The following CLNK variants were observed in gnomAD, a reference collection of about 807,000 sequenced individuals.
CLNK encodes cytokine-dependent hematopoietic cell linker.
CLNK carries 74 observed loss-of-function variants against 68.6 expected under a neutral mutation model. That is an observed-to-expected ratio of 1.08 (90% CI 0.89 to 1.31). CLNK has a LOEUF of 1.31. CLNK is among the 50% of genes most tolerant of loss of function. The probability of loss-of-function intolerance (pLI) is 0.00; values close to 1 mark genes in which losing one functional copy is unlikely to be tolerated. For synonymous variants in CLNK, 198 were observed against 172.2 expected, an observed-to-expected ratio of 1.15 and a Z score of -1.17; for missense variants, 553 against 515.3, an observed-to-expected ratio of 1.07 and a Z score of -0.71.
At chr4:10,511,716 CTG>C (rs1717591333) in intron 16 of CLNK, among the ~76,000 whole-genome samples, 1 of 152,104 alleles carries the variant, frequency 6.6e-6, no homozygotes, top group Admixed American at 6.6e-5. Context: ...GAGCTGTAAA[CTG>C]TTTCATTGTG....
upstream of CLNK, chr4:10,684,839 A>G (rs1172440450): frequency 6.6e-6 from 1 of 152,180 alleles, no homozygotes; most frequent in Non-Finnish European, 1.5e-5. Flanking sequence ...GGTCCGTTTT[A>G]GACTTGGTTT....
chr4:10,513,391 G>T, intron 16 of CLNK, 73 bp downstream of exon 16: 1 of 1,382,976 alleles, frequency 7.2e-7, no homozygotes, highest in Non-Finnish European at 9.9e-7. Context: ...TCTCCTTTTG[G>T]GCATTGTTCA....
At chr4:10,607,001 G>A (rs963694533) in intron 2 of CLNK, among the ~76,000 whole-genome samples, 6 of 152,210 alleles carry the variant, frequency 3.9e-5, no homozygotes, top group Non-Finnish European at 7.3e-5. Flanking sequence ...CACATATTGT[G>A]CTGATGTTAC....
intron 1 of CLNK, among the ~76,000 whole-genome samples, chr4:10,671,223 A>G (rs2108896057): frequency 6.6e-6 from 1 of 152,162 alleles, no homozygotes; most frequent in East Asian, 1.9e-4. Context: ...CGTCTCTACT[A>G]AAAATACAAA....
intron 2 of CLNK, among the ~76,000 whole-genome samples, chr4:10,659,226 A>C (rs1001069447): frequency 6.6e-6 from 1 of 152,172 alleles, no homozygotes; most frequent in Non-Finnish European, 1.5e-5. Context: ...GTAACACACA[A>C]AAAAATGGTA....
At chr4:10,662,905 T>C (rs1388128400) in intron 2 of CLNK, among the ~76,000 whole-genome samples, 1 of 152,226 alleles carries the variant, frequency 6.6e-6, no homozygotes, top group African/African-American at 2.4e-5. Context: ...TGCTTAAGCC[T>C]TATTTCAAAG....
At chr4:10,610,142 C>T (rs1305955887) in intron 2 of CLNK, among the ~76,000 whole-genome samples, 1 of 141,210 alleles carries the variant, frequency 7.1e-6, no homozygotes, top group Admixed American at 7.3e-5. Flanking sequence ...CTGCAAGCTC[C>T]GCCTTCCGGG....
chr4:10,560,892 C>T lies in CLNK; in HGVS notation c.400-2440G>A, dbSNP rs189591223. On this transcript the variant is annotated intron_variant, in intron 7 of 18. Transcript: ENST00000226951. ...AACACTGATTACAAATGTGAAACTC[C>T]TCCCCCACCTCTTTTTTTTTCTGAG... Among the ~76,000 whole-genome samples, 142 of 152,000 alleles carry T rather than the reference C, an allele frequency of 9.3e-4. 1 individual carries two copies. Among genetic ancestry groups the T allele is most frequent in the Non-Finnish European group, 1.4e-3 (97 of 67,950 alleles).
chr4:10,595,967 G>A (rs1348475405), intron 3 of CLNK, among the ~76,000 whole-genome samples: 4 of 152,076 alleles, frequency 2.6e-5, no homozygotes, highest in Non-Finnish European at 5.9e-5. Flanking sequence ...TTTATTCTGC[G>A]GACACAGGAA....
chr4:10,488,487 G>C lies in CLNK; in HGVS notation c.*1980C>G, dbSNP rs1377705934. 1 of 152,260 alleles carries C rather than the reference G, an allele frequency of 6.6e-6. No individual in the cohort carries two copies. The highest frequency in any genetic ancestry group is 1.5e-5 in the Non-Finnish European group (1 of 68,070). 9.4% of individuals were successfully genotyped at this position (152,260 alleles called of 1,614,324 possible). ...CCCTGGCTTGTTGAATTCCAGTAGA[G>C]AATGACCAGCAACCATACAGCTTTT... On this transcript the variant is annotated 3_prime_UTR_variant, in exon 19 of 19. Coordinates refer to ENST00000226951, the MANE Select transcript of CLNK (RefSeq NM_052964.4).
chr4:10,652,381 C>CA (rs67304153), intron 2 of CLNK, among the ~76,000 whole-genome samples: 17,741 of 50,724 alleles, frequency 0.35, 3,662 homozygotes, highest in Admixed American at 0.45. Context: ...GACTCTGTCT[C>CA]AAAAAAAAAA....
chr4:10,641,328 G>A (rs572682948), intron 2 of CLNK, among the ~76,000 whole-genome samples: 2 of 152,192 alleles, frequency 1.3e-5, no homozygotes, highest in Non-Finnish European at 2.9e-5. Flanking sequence ...TGGAGGTAGA[G>A]AGACAGCAGG....
intron 2 of CLNK, among the ~76,000 whole-genome samples, chr4:10,664,311 C>T (rs1182399524): frequency 1.3e-5 from 2 of 151,964 alleles, no homozygotes; most frequent in African/African-American, 4.8e-5. Flanking sequence ...TGTTTAAAGC[C>T]TCCCTGATGA....
chr4:10,707,784 G>T, the CLNK span, among the ~76,000 whole-genome samples: 2 of 152,138 alleles, frequency 1.3e-5, no homozygotes, highest in African/African-American at 4.8e-5. Flanking sequence ...CATAAGTGAG[G>T]TTCATTCATT....
In CLNK at chr4:10,667,912, C is replaced by A; in HGVS notation, c.-42-1G>T. 6.4e-7 allele frequency: 1 copy of A among 1,552,540 alleles called. No individual in the cohort carries two copies. The highest frequency in any genetic ancestry group is 8.7e-7 in the Non-Finnish European group (1 of 1,143,210). On this transcript the variant is annotated splice_acceptor_variant, in intron 1 of 18. Transcript: ENST00000226951. LOFTEE classifies it low-confidence loss of function (5UTR_SPLICE). ...GGGTAAGAGGGATCTTCAATTCAGCCTGTGGAAACAAAAGCAAACGCGTTA... is the reference window on the plus strand; with the variant it reads ...GGGTAAGAGGGATCTTCAATTCAGCATGTGGAAACAAAAGCAAACGCGTTA...
chr4:10,614,405 C>T (rs1190457244), intron 2 of CLNK, among the ~76,000 whole-genome samples: 3 of 152,052 alleles, frequency 2.0e-5, no homozygotes, highest in Admixed American at 6.5e-5. Context: ...TCTATGATGC[C>T]GTTGTTTCTC....
intron 2 of CLNK, among the ~76,000 whole-genome samples, chr4:10,606,828 A>G (rs931502668): frequency 4.6e-5 from 7 of 152,236 alleles, no homozygotes; most frequent in African/African-American, 1.2e-4. Context: ...GTTTTTCTAT[A>G]GAGCTCTGAC....
intron 12 of CLNK, among the ~76,000 whole-genome samples, chr4:10,531,156 A>G (rs1463484953): frequency 6.6e-6 from 1 of 152,234 alleles, no homozygotes; most frequent in African/African-American, 2.4e-5. Context: ...AAAATTCCTT[A>G]GAGTCCAGTG....
intron 2 of CLNK, among the ~76,000 whole-genome samples, chr4:10,622,401 G>A (rs2531201): frequency 0.68 from 103,203 of 152,060 alleles, 36,074 homozygotes; most frequent in East Asian, 0.77. Flanking sequence ...CAAAAGAAAT[G>A]TCATGCTCCT....
Sources: gnomAD v4.1 joint callset for allele counts (sites outside exome capture counted in the v4.1 genomes callset) on GRCh38, gnomAD v4.1.1 for gene constraint, MANE v1.5 for transcripts, NCBI Gene and HGNC (gene_info 2026-07-23, HGNC 2026-07-21) for gene names.